Variants in MALRD1 observed in about 807,000 individuals in gnomAD.
The protein encoded by MALRD1 is MAM and LDL receptor class A domain containing 1.
Under a neutral mutation model 242.1 loss-of-function variants are expected in MALRD1, and 247 were observed. The ratio of observed to expected loss-of-function variants is 1.02; its 90% CI spans 0.92 to 1.13. The LOEUF (loss-of-function observed/expected upper bound fraction) is 1.13, where lower values mean the gene tolerates loss of function less well. MALRD1 is among the 50% of genes most tolerant of loss of function. The probability of loss-of-function intolerance (pLI) is 0.00; values close to 1 mark genes in which losing one functional copy is unlikely to be tolerated. For synonymous variants in MALRD1, 995 were observed against 866.6 expected (o/e 1.15, Z -2.60); for missense variants, 2,989 against 2,533.1 (o/e 1.18, Z -3.86).
intron 26 of MALRD1, among the ~76,000 whole-genome samples, chr10:19,364,754 C>G (rs1845039145): frequency 6.6e-6 from 1 of 152,088 alleles, no homozygotes; most frequent in Admixed American, 6.6e-5. Context: ...TAGAAAACTT[C>G]AGCTTCACTT....
chr10:19,190,473 C>T (rs974368302), intron 14 of MALRD1, among the ~76,000 whole-genome samples: 4 of 151,764 alleles, frequency 2.6e-5, no homozygotes, highest in Non-Finnish European at 4.4e-5. Flanking sequence ...CTCAAAGAAC[C>T]CCAAATAGAC....
At chr10:19,399,408 C>A (rs1223732998) in intron 28 of MALRD1, among the ~76,000 whole-genome samples, 2 of 152,048 alleles carry the variant, frequency 1.3e-5, no homozygotes, top group East Asian at 3.9e-4. Context: ...CGTTTAAGTT[C>A]TTAATTAATT....
chr10:19,239,250 T>A (rs1297804477), intron 18 of MALRD1, among the ~76,000 whole-genome samples: 2 of 151,892 alleles, frequency 1.3e-5, no homozygotes, highest in Admixed American at 6.6e-5. Context: ...AGTAGAGAAA[T>A]GATTTCACCA....
chr10:19,235,592 G>C (rs1329245845), intron 18 of MALRD1, among the ~76,000 whole-genome samples: 1 of 150,686 alleles, frequency 6.6e-6, no homozygotes, highest in Non-Finnish European at 1.5e-5. Flanking sequence ...GAGAGAGAGA[G>C]AGAGAGAGAG....
intron 21 of MALRD1, among the ~76,000 whole-genome samples, chr10:19,313,272 T>G (rs1294172709): frequency 7.0e-6 from 1 of 143,846 alleles, no homozygotes; most frequent in Non-Finnish European, 1.5e-5. Flanking sequence ...TCAGATTTAT[T>G]GAAAATATTA....
At chr10:19,283,783 AC>A (rs763243230) in intron 21 of MALRD1, among the ~76,000 whole-genome samples, 1 of 152,160 alleles carries the variant, frequency 6.6e-6, no homozygotes, top group Non-Finnish European at 1.5e-5. Flanking sequence ...AACTTTCTCA[AC>A]TAGTGGATTT....
intron 38 of MALRD1, among the ~76,000 whole-genome samples, chr10:19,696,723 A>G (rs1424182340): frequency 6.6e-6 from 1 of 151,910 alleles, no homozygotes; most frequent in Non-Finnish European, 1.5e-5. Flanking sequence ...CCTGGCCAAC[A>G]TGAGGAAACC....
chr10:19,422,635 G>A lies in MALRD1; in HGVS notation c.4846-27672G>A, dbSNP rs78396750. On this transcript the variant is annotated intron_variant, in intron 28 of 39. Transcript: ENST00000454679. Reference sequence around the variant, plus strand: ...TCATGATTAGATGTAGAATACCCTCGACCTATGGTTTGCTGGAACTATGTA... The same window carrying A: ...TCATGATTAGATGTAGAATACCCTCAACCTATGGTTTGCTGGAACTATGTA... 5.4e-3 allele frequency among the ~76,000 whole-genome samples: 821 copies of A among 152,122 alleles called. 6 individuals are homozygous for A. The highest frequency in any genetic ancestry group is 0.018 in the African/African-American group (752 of 41,496).
intron 14 of MALRD1, among the ~76,000 whole-genome samples, chr10:19,176,489 C>T (rs1266095946): frequency 7.4e-5 from 11 of 148,442 alleles, no homozygotes; most frequent in African/African-American, 2.7e-4. Context: ...ATTCTCCTGC[C>T]TCAGCCTCCC....
At chr10:19,331,156 C>T (rs1300505100) in intron 23 of MALRD1, among the ~76,000 whole-genome samples, 2 of 152,094 alleles carry the variant, frequency 1.3e-5, no homozygotes, top group African/African-American at 2.4e-5. Flanking sequence ...TGTTGCCACT[C>T]CCACATTCTT....
intron 24 of MALRD1, among the ~76,000 whole-genome samples, chr10:19,331,800 A>T (rs1256308262): frequency 5.3e-5 from 8 of 152,114 alleles, no homozygotes; most frequent in Non-Finnish European, 1.5e-5. Context: ...GTATGTGTGT[A>T]TTAATTGGAG....
chr10:19,483,529 G>A (rs924349121), intron 29 of MALRD1, among the ~76,000 whole-genome samples: 2 of 152,178 alleles, frequency 1.3e-5, no homozygotes, highest in Middle Eastern at 3.4e-3. Context: ...TATGGTCAAC[G>A]AACATGAAAA....
chr10:19,669,264 C>T (rs963274789), intron 36 of MALRD1, among the ~76,000 whole-genome samples: 1 of 152,084 alleles, frequency 6.6e-6, no homozygotes, highest in African/African-American at 2.4e-5. Flanking sequence ...AATTTTTGAA[C>T]CTGAGTTCCA....
At chr10:19,654,548 G>C (rs1400124329) in intron 36 of MALRD1, among the ~76,000 whole-genome samples, 1 of 152,142 alleles carries the variant, frequency 6.6e-6, no homozygotes, top group Non-Finnish European at 1.5e-5. Flanking sequence ...GACTATATTT[G>C]AGAAAGGAAA....
At chr10:19,462,511 G>A (rs73595815) in intron 29 of MALRD1, among the ~76,000 whole-genome samples, 8,523 of 152,316 alleles carry the variant, frequency 0.056, 771 homozygotes, top group African/African-American at 0.19. Flanking sequence ...CTCAGGTTCT[G>A]TGAGTATAAA....
intron 21 of MALRD1, among the ~76,000 whole-genome samples, chr10:19,286,982 G>C (rs1171170646): frequency 4.6e-5 from 7 of 151,446 alleles, no homozygotes; most frequent in Non-Finnish European, 7.4e-5. Context: ...ATGATCAAGT[G>C]GGCTTCATCC....
At chr10:19,206,158 A>C (rs544363823) in intron 17 of MALRD1, among the ~76,000 whole-genome samples, 2 of 152,008 alleles carry the variant, frequency 1.3e-5, no homozygotes, top group South Asian at 4.1e-4. Context: ...CATGAAATAC[A>C]GATGCTAATT....
chr10:19,119,561 G>A (rs2030979850), intron 5 of MALRD1, among the ~76,000 whole-genome samples: 1 of 152,078 alleles, frequency 6.6e-6, no homozygotes, highest in Non-Finnish European at 1.5e-5. Flanking sequence ...CTGGGTTGAG[G>A]CCACAAGATC....
At chr10:19,524,409 G>A (rs567294029) in intron 31 of MALRD1, among the ~76,000 whole-genome samples, 6 of 152,058 alleles carry the variant, frequency 3.9e-5, no homozygotes, top group East Asian at 1.9e-4. Context: ...CCCAAGAGGC[G>A]GAGGTTGCAG....
Sources: gnomAD v4.1 joint callset for allele counts (sites outside exome capture counted in the v4.1 genomes callset) on GRCh38, gnomAD v4.1.1 for gene constraint, MANE v1.5 for transcripts, NCBI Gene and HGNC (gene_info 2026-07-23, HGNC 2026-07-21) for gene names.